Variants in PHF21A observed in about 807,000 individuals in gnomAD.
PHF21A encodes the protein PHD finger protein 21A, also known as BHC80a.
A neutral mutation model predicts 82.5 loss-of-function variants in PHF21A; 11 were observed. That is an observed-to-expected ratio of 0.13 (90% confidence interval 0.08 to 0.22). The LOEUF (loss-of-function observed/expected upper bound fraction) is 0.22. Ranked by LOEUF, PHF21A falls within the 10% of genes least tolerant of loss-of-function variation. The pLI is 1.00. For missense variants in PHF21A, 579 were observed against 837.8 expected, an observed-to-expected ratio of 0.69 and a Z score of 3.81; for synonymous variants, 297 against 302.8, an observed-to-expected ratio of 0.98 and a Z score of 0.20.
Position 46,030,715 on chromosome 11 carries a change from A to G in PHF21A, c.153+46039T>C, listed in dbSNP as rs370861807. 1.6e-3 allele frequency among the ~76,000 whole-genome samples: 237 copies of G among 152,276 alleles called. 6 individuals are homozygous for G. In the South Asian group the frequency reaches 0.048, roughly 31 times the overall value. ...CACTAAATCTCACATTTGCATTCAA[A>G]TATTTTATGTTCCCATTCAACTATA... On this transcript the variant is annotated intron_variant, in intron 6 of 18. Transcript: ENST00000676320.
chr11:46,030,851 G>T (rs906884517), intron 6 of PHF21A, among the ~76,000 whole-genome samples: 47 of 151,102 alleles, frequency 3.1e-4, no homozygotes, highest in African/African-American at 1.1e-3. Context: ...GTGTGTGTGT[G>T]TGTGTGTGTG....
At chr11:46,087,500 C>A (rs2096870071) in intron 3 of PHF21A, among the ~76,000 whole-genome samples, 1 of 152,122 alleles carries the variant, frequency 6.6e-6, no homozygotes, top group Non-Finnish European at 1.5e-5. Flanking sequence ...AAAGTTAGGA[C>A]TAGTTGTAGA....
chr11:46,019,631 C>A (rs2095590157), intron 6 of PHF21A, among the ~76,000 whole-genome samples: 1 of 152,134 alleles, frequency 6.6e-6, no homozygotes, highest in South Asian at 2.1e-4. Context: ...TTCCAAGATC[C>A]AAATGCTTTA....
At chr11:46,057,096 C>A (rs1006444303) in intron 6 of PHF21A, among the ~76,000 whole-genome samples, 6 of 151,982 alleles carry the variant, frequency 3.9e-5, no homozygotes, top group African/African-American at 7.3e-5. Flanking sequence ...ATAAAAACTA[C>A]AATTGAGAGG....
chr11:45,969,471 T>A (rs2093636502), intron 9 of PHF21A, among the ~76,000 whole-genome samples: 1 of 152,242 alleles, frequency 6.6e-6, no homozygotes, highest in Non-Finnish European at 1.5e-5. Flanking sequence ...CTTTTTGGCA[T>A]GTAGGAAAGA....
intron 6 of PHF21A, among the ~76,000 whole-genome samples, chr11:46,036,901 G>A (rs1015754246): frequency 1.3e-5 from 2 of 152,150 alleles, no homozygotes; most frequent in South Asian, 2.1e-4. Context: ...GTAGAGATGA[G>A]GGTCTTGTTA....
Position 46,099,173 on chromosome 11 carries a change from C to T in PHF21A, c.-236-6950G>A, listed in dbSNP as rs776226456. ...AATAAATTCAACAAGATTAAAACAA[C>T]CAAATTTTAAAAAATTAAAGCACAG... On this transcript the variant is annotated intron_variant, in intron 1 of 18. Transcript: ENST00000676320. Among the ~76,000 whole-genome samples the T allele has an allele frequency of 3.3e-5, 5 of 152,118 alleles. No homozygotes were observed. The South Asian group carries it at 1.0e-3, about 32-fold the overall frequency.
intron 10 of PHF21A, among the ~76,000 whole-genome samples, chr11:45,961,135 T>A (rs1398528884): frequency 6.6e-6 from 1 of 152,252 alleles, no homozygotes; most frequent in Admixed American, 6.5e-5. Context: ...TCCAGTTGTT[T>A]ACTCCTAGCC....
chr11:46,056,163 C>T (rs1456561516), intron 6 of PHF21A, among the ~76,000 whole-genome samples: 1 of 152,068 alleles, frequency 6.6e-6, no homozygotes, highest in African/African-American at 2.4e-5. Flanking sequence ...TTTTGAATTT[C>T]ATCTTATAAG....
At chr11:46,095,114 C>T (rs987437746) in intron 1 of PHF21A, among the ~76,000 whole-genome samples, 1 of 152,040 alleles carries the variant, frequency 6.6e-6, no homozygotes, top group African/African-American at 2.4e-5. Flanking sequence ...GATTCTTAAA[C>T]ACTGTGCACA....
At chr11:46,004,407 T>C (rs72904359) in intron 6 of PHF21A, among the ~76,000 whole-genome samples, 4,143 of 152,266 alleles carry the variant, frequency 0.027, 81 homozygotes, top group Non-Finnish European at 0.041. Flanking sequence ...TGGATTTCAC[T>C]TTTAATAGAT....
intron 4 of PHF21A, 118 bp from the exon 5 acceptor site, chr11:46,079,284 C>T (rs2096762190): frequency 1.5e-6 from 1 of 651,786 alleles, no homozygotes; most frequent in Non-Finnish European, 2.7e-6. Context: ...AGCAACACCA[C>T]AATCAGAACA....
chr11:46,095,604 G>C (rs1276987101), intron 1 of PHF21A, among the ~76,000 whole-genome samples: 1 of 151,710 alleles, frequency 6.6e-6, no homozygotes, highest in Admixed American at 6.6e-5. Context: ...AATTAGAGCT[G>C]GTAAAGAAAC....
intron 6 of PHF21A, among the ~76,000 whole-genome samples, chr11:46,042,272 C>T (rs1301805703): frequency 6.6e-6 from 1 of 152,094 alleles, no homozygotes; most frequent in Non-Finnish European, 1.5e-5. Context: ...TTTACGAATA[C>T]TTGAACCAAA....
Position 45,965,518 on chromosome 11 carries a change from C to A in PHF21A, c.793G>T (p.Val265Phe). The A allele has an allele frequency of 6.2e-7, 1 of 1,610,576 alleles. No individual in the cohort carries two copies. The highest frequency in any genetic ancestry group is 2.2e-5 in the East Asian group (1 of 44,828). Reference protein sequence around the residue: ...LAAPQLIQRPVMLTKFTPTTL... With the variant: ...LAAPQLIQRPFMLTKFTPTTL... ...GTGGGGGTGAACTTGGTCAGCATGACGGGCCTCTGGATAAGCTGAGGAGCT... is the reference window on the plus strand; with the variant it reads ...GTGGGGGTGAACTTGGTCAGCATGAAGGGCCTCTGGATAAGCTGAGGAGCT... The change falls in exon 10 of 19, where the codon GTC (valine) becomes TTC (phenylalanine). Residue 265 changes from valine to phenylalanine, a missense_variant. Val to Phe is a conservative substitution (Grantham distance 50). This residue lies in a region of PHF21A where 410 missense variants were observed against 642.1 expected (regional missense o/e 0.64). Coordinates refer to ENST00000676320, the MANE Select transcript of PHF21A (RefSeq NM_001352027.3).
At chr11:46,037,751 T>C (rs1419237720) in intron 6 of PHF21A, among the ~76,000 whole-genome samples, 1 of 152,064 alleles carries the variant, frequency 6.6e-6, no homozygotes, top group Non-Finnish European at 1.5e-5. Flanking sequence ...GATTTTTCTC[T>C]TTACTTGAGA....
intron 10 of PHF21A, among the ~76,000 whole-genome samples, chr11:45,958,449 T>TATATACACAC (rs780397923): frequency 0.038 from 558 of 14,868 alleles, 25 homozygotes; most frequent in Non-Finnish European, 0.053. Flanking sequence ...TATATATATA[T>TATATACACAC]ACACACACAC....
intron 6 of PHF21A, among the ~76,000 whole-genome samples, chr11:46,071,892 A>G (rs1196308690): frequency 6.6e-6 from 1 of 152,244 alleles, no homozygotes; most frequent in Non-Finnish European, 1.5e-5. Flanking sequence ...TAAAAAGCAT[A>G]AAAAGCAAGA....
At chr11:45,938,108 G>A (rs578197167) in intron 16 of PHF21A, 49 bp downstream of exon 16, 26 of 1,444,728 alleles carry the variant, frequency 1.8e-5, no homozygotes, top group East Asian at 7.2e-5. Flanking sequence ...CCTGATGGCC[G>A]TGTCTTTGTC....
Sources: allele counts gnomAD v4.1 joint callset (sites outside exome capture counted in the v4.1 genomes callset), GRCh38; gene constraint gnomAD v4.1.1; regional missense constraint gnomAD v4.1.1; transcripts MANE v1.5; gene names NCBI Gene and HGNC (gene_info 2026-07-23, HGNC 2026-07-21).